Variants in KAT6A observed in about 807,000 individuals in gnomAD.
KAT6A encodes histone acetyltransferase KAT6A.
KAT6A carries 9 observed loss-of-function variants against 198.4 expected under a neutral mutation model. The observed-to-expected ratio is 0.05, with a 90% CI of 0.03 to 0.08. The LOEUF is 0.08. Ranked by LOEUF, KAT6A falls within the 10% of genes least tolerant of loss-of-function variation. KAT6A has a pLI of 1.00. For synonymous variants in KAT6A, 890 were observed against 883.0 expected (o/e 1.01, Z -0.14); for missense variants, 2,077 against 2,509.9 (o/e 0.83, Z 3.69).
chr8:41,934,295 C>G lies in KAT6A; in HGVS notation c.3925G>C (p.Ala1309Pro). ...EEEEDAAAETAQNDDHDADDE... is the reference protein window; with the variant it reads ...EEEEDAAAETPQNDDHDADDE... ...TCAGCGTCGTGGTCGTCATTCTGGG[C>G]AGTCTCTGCAGCTGCATCTTCCTCC... is the stretch of plus-strand genomic sequence containing the variant. The change falls in exon 17 of 17, where the codon GCC becomes CCC. Residue 1309 changes from alanine to proline, a missense_variant. This residue lies in a region of KAT6A where 375 missense variants were observed against 383.0 expected (regional missense o/e 0.98). Transcript: ENST00000265713. 1 of 1,614,166 alleles carries G rather than the reference C, an allele frequency of 6.2e-7. No homozygotes were observed. The highest frequency in any genetic ancestry group is 8.5e-7 in the Non-Finnish European group (1 of 1,180,040).
At chr8:41,961,940 C>G (rs1823223170) in intron 8 of KAT6A, among the ~76,000 whole-genome samples, 3 of 152,096 alleles carry the variant, frequency 2.0e-5, no homozygotes, top group Non-Finnish European at 4.4e-5. Flanking sequence ...CTGTCCCCAT[C>G]ATGGAAACAG....
At chr8:41,961,390 A>G (rs1482341464) in intron 8 of KAT6A, among the ~76,000 whole-genome samples, 1 of 152,196 alleles carries the variant, frequency 6.6e-6, no homozygotes, top group East Asian at 1.9e-4. Context: ...CTTCTGCATC[A>G]TCAGCTTTCC....
intron 8 of KAT6A, chr8:41,974,438 A>G: frequency 3.7e-6 from 1 of 268,856 alleles, no homozygotes; most frequent in Non-Finnish European, 6.9e-6. Context: ...TCAAATCCCA[A>G]ATTCTTCTTC....
In KAT6A at chr8:41,941,444, C is replaced by G. The variant is rs773605587; in HGVS notation, c.2437G>C (p.Val813Leu). ...TTCTCATGAGACACAGACTTTCCCA[C>G]CTGATTTTAGAAAATAAAACAATGC... ...QCQERELEISVGKSVSHENKE... is the reference protein window; with the variant it reads ...QCQERELEISLGKSVSHENKE... Residue 813 changes from valine (V) to leucine (L), a missense_variant and splice_region_variant, in exon 15 of 17, where the codon GTG becomes CTG. By Grantham distance (32) the Val-to-Leu change is conservative (BLOSUM62 1). Around this residue, in one of 13 missense-constraint regions of KAT6A, gnomAD observed 301 missense variants for 272.2 expected, o/e 1.11. Transcript: ENST00000265713. 6.3e-7 allele frequency: 1 copy of G among 1,577,024 alleles called. No individual in the cohort carries two copies. Among genetic ancestry groups the G allele is most frequent in the African/African-American group, 1.4e-5 (1 of 73,212 alleles).
At chr8:41,989,005 T>C (rs1187230636) in intron 2 of KAT6A, among the ~76,000 whole-genome samples, 3 of 152,158 alleles carry the variant, frequency 2.0e-5, no homozygotes, top group African/African-American at 7.2e-5. Context: ...ATAAAATGTT[T>C]GTAGGTACCA....
At chr8:41,957,109 G>A (rs753597680) in intron 8 of KAT6A, 3 of 604,982 alleles carry the variant, frequency 5.0e-6, no homozygotes, top group Non-Finnish European at 9.9e-6. Context: ...GCTCTTCTAG[G>A]CGGATGCCCG....
At position 41,978,710 on chromosome 8, in the gene KAT6A, T is replaced by C; in HGVS notation, c.975A>G (p.Ala325=). The C allele has an allele frequency of 6.2e-7, 1 of 1,614,034 alleles. No individual in the cohort carries two copies. The highest frequency in any genetic ancestry group is 8.5e-7 in the Non-Finnish European group (1 of 1,179,894). Residue 325 remains alanine, a synonymous_variant, in exon 6 of 17, where the codon GCA becomes GCG. Transcript: ENST00000265713. ...GATTAGTATAGCGCCGTTTTATCTG[T>C]GCTGCCTTCTTTTGTAGAAGTTTTC... ...KGRKLLQKKA[A]QIKRRYTNPI... is the part of the protein sequence containing the mutation.
intron 2 of KAT6A, among the ~76,000 whole-genome samples, chr8:42,006,253 G>A (rs1825738762): frequency 6.6e-6 from 1 of 152,150 alleles, no homozygotes; most frequent in Admixed American, 6.5e-5. Flanking sequence ...CTGGGAGTAT[G>A]TTATGTGTGT....
chr8:41,968,958 T>G (rs1016910300), intron 8 of KAT6A, among the ~76,000 whole-genome samples: 1 of 152,198 alleles, frequency 6.6e-6, no homozygotes, highest in Non-Finnish European at 1.5e-5. Flanking sequence ...GAAAAAAATC[T>G]TGCTAAATAT....
intron 8 of KAT6A, among the ~76,000 whole-genome samples, chr8:41,969,778 G>A (rs1158371939): frequency 6.6e-6 from 1 of 152,010 alleles, no homozygotes; most frequent in African/African-American, 2.4e-5. Context: ...TTCACCTTAT[G>A]CAACTCTTCT....
At position 41,980,880 on chromosome 8, in the gene KAT6A, C is replaced by T; in HGVS notation, c.873G>A (p.Glu291=). 1 of 1,613,702 alleles carries T rather than the reference C, an allele frequency of 6.2e-7. No individual in the cohort carries two copies. Among genetic ancestry groups the T allele is most frequent in the Non-Finnish European group, 8.5e-7 (1 of 1,179,760 alleles). Residue 291 remains glutamate, a synonymous_variant, in exon 5 of 17, where the codon GAG becomes GAA. Transcript: ENST00000265713. ...CDSCDRGFHM[E]CCDPPLTRMP... ...TACGGGTGAGTGGCGGATCACAACA[C>T]TCCATGTGAAAACCTCGGTCACATG...
intron 8 of KAT6A, among the ~76,000 whole-genome samples, chr8:41,971,366 C>T (rs968799061): frequency 7.9e-5 from 12 of 151,938 alleles, no homozygotes; most frequent in African/African-American, 2.9e-4. Flanking sequence ...GGGCTGTAAG[C>T]TATTTTCGTG....
intron 8 of KAT6A, chr8:41,974,381 T>C (rs768314379): frequency 5.6e-6 from 1 of 178,780 alleles, no homozygotes; most frequent in African/African-American, 2.3e-5. Flanking sequence ...TTAATAAATA[T>C]AGGTGTTTTA....
At chr8:41,943,593 A>T (rs1217370021) in intron 13 of KAT6A, among the ~76,000 whole-genome samples, 155 bp downstream of exon 13, 1 of 152,176 alleles carries the variant, frequency 6.6e-6, no homozygotes, top group African/African-American at 2.4e-5. Flanking sequence ...ATAGTCAATC[A>T]AATAAAATAT....
chr8:41,933,471 G>A lies in KAT6A; in HGVS notation c.4749C>T (p.Ser1583=). The part of the protein sequence containing the change: ...MGGSICGNSS[S]QSSCSYGGLS... ...GCCCACCGTAGGAGCAGCTGCTCTG[G>A]GAAGAGCTGTTCCCACAGATGCTGC... The change falls in exon 17 of 17, where the codon TCC becomes TCT. Residue 1583 remains serine (S), a synonymous_variant. Coordinates refer to ENST00000265713, the MANE Select transcript of KAT6A (RefSeq NM_006766.5). This position sits in a 1 kb window ranked among gnomAD's most constrained non-coding sequence, Gnocchi z 6.2. 6.2e-7 allele frequency: 1 copy of A among 1,613,360 alleles called. No homozygotes were observed. The highest frequency in any genetic ancestry group is 1.1e-5 in the South Asian group (1 of 91,048).
At chr8:42,046,965 A>G (rs965357428) in intron 2 of KAT6A, among the ~76,000 whole-genome samples, 3 of 152,234 alleles carry the variant, frequency 2.0e-5, no homozygotes, top group Non-Finnish European at 4.4e-5. Flanking sequence ...AAATTTCATC[A>G]AAGAAAAATA....
intron 6 of KAT6A, among the ~76,000 whole-genome samples, chr8:41,977,707 T>C (rs928655358): frequency 1.3e-5 from 2 of 152,236 alleles, no homozygotes; most frequent in Non-Finnish European, 2.9e-5. Context: ...AAAGTTCTAC[T>C]ACACTGTGAT....
chr8:41,977,593 T>C (rs1453576590), intron 6 of KAT6A: 1 of 335,078 alleles, frequency 3.0e-6, no homozygotes, highest in African/African-American at 2.1e-5. Context: ...TCTCTCTTAC[T>C]AGCTGTACGA....
chr8:41,990,994 CAAAAAAAAAAAAAA>C (rs61543371), intron 2 of KAT6A, among the ~76,000 whole-genome samples: 1 of 80,752 alleles, frequency 1.2e-5, no homozygotes, highest in African/African-American at 5.3e-5. Flanking sequence ...GACTCCGTCT[CAAAAAAAAAAAAAA>C]AAAAAAAAAA....
Sources: allele counts gnomAD v4.1 joint callset (sites outside exome capture counted in the v4.1 genomes callset), GRCh38; gene constraint gnomAD v4.1.1; regional missense constraint gnomAD v4.1.1; non-coding constraint Gnocchi (gnomAD v3.1); transcripts MANE v1.5; gene names NCBI Gene and HGNC (gene_info 2026-07-23, HGNC 2026-07-21).